The following SPON2 variants were observed in gnomAD, a reference collection of about 807,000 sequenced individuals.
SPON2 encodes the protein spondin 2.
In SPON2, 32 loss-of-function variants were observed where a neutral mutation model predicts 29.9. That is an observed-to-expected ratio of 1.07 (90% confidence interval 0.81 to 1.44). The LOEUF (loss-of-function observed/expected upper bound fraction) is 1.44. Among genes scored for constraint, SPON2 ranks in the 40% most tolerant of loss-of-function variants. The pLI, the probability that SPON2 is intolerant of heterozygous loss-of-function variation, is 0.00. For synonymous variants in SPON2, 248 were observed against 209.1 expected, an observed-to-expected ratio of 1.19 and a Z score of -1.61; for missense variants, 541 against 455.5, an observed-to-expected ratio of 1.19 and a Z score of -1.71.
At chr4:1,183,517 G>GT (rs1294362975) in intron 1 of SPON2, among the ~76,000 whole-genome samples, 1 of 152,144 alleles carries the variant, frequency 6.6e-6, no homozygotes, top group African/African-American at 2.4e-5. Context: ...AAGAGAATGT[G>GT]TTTTTTAAAA....
intron 1 of SPON2, among the ~76,000 whole-genome samples, chr4:1,184,668 C>T (rs1479849711): frequency 1.3e-5 from 2 of 152,160 alleles, no homozygotes; most frequent in African/African-American, 4.8e-5. Context: ...GGCACGGTGG[C>T]TCATGCCTGT....
intron 1 of SPON2, chr4:1,200,516 G>A (rs1002105037): frequency 1.6e-5 from 5 of 304,418 alleles, no homozygotes; most frequent in Admixed American, 9.2e-5. Context: ...CAGCCTCTGC[G>A]CTTCTGCCTC....
In SPON2 at chr4:1,167,437, C is replaced by T. The variant is rs202120898; in HGVS notation, c.*35G>A. On this transcript the variant is annotated 3_prime_UTR_variant, in exon 6 of 6. Transcript: ENST00000290902. ...CACAGGAGCCCCCGACACCCCATGG[C>T]TCCGGGGGGCCCCAGGGGCTGCGGG... The T allele has an allele frequency of 1.8e-5, 28 of 1,592,638 alleles. No homozygotes were observed. Among genetic ancestry groups the T allele is most frequent in the Non-Finnish European group, 2.4e-5 (28 of 1,167,740 alleles).
intron 4 of SPON2, 41 bp from the exon 5 acceptor site, chr4:1,170,617 G>C (rs778040310): frequency 1.3e-6 from 2 of 1,576,064 alleles, no homozygotes; most frequent in Non-Finnish European, 1.7e-6. Flanking sequence ...GGTCCGAGAA[G>C]CCCACCTTCT....
chr4:1,178,075 C>T (rs12505896), upstream of SPON2, among the ~76,000 whole-genome samples: 66,940 of 133,572 alleles, frequency 0.5, 16,383 homozygotes, highest in Admixed American at 0.63. Context: ...GGCCTCCCTC[C>T]GGCCAGACAC....
At chr4:1,189,954 C>T (rs1219194922) in intron 1 of SPON2, among the ~76,000 whole-genome samples, 1 of 146,178 alleles carries the variant, frequency 6.8e-6, no homozygotes, top group Non-Finnish European at 1.5e-5. Context: ...CATGCCACTG[C>T]ACTCCAGCCT....
rs547993263 is a variant in SPON2, at chr4:1,201,749, A to T, written c.-234+6131T>A. Among the ~76,000 whole-genome samples, 8 of 151,926 alleles carry T rather than the reference A, an allele frequency of 5.3e-5. No homozygotes were observed. In the East Asian group the frequency reaches 1.4e-3, roughly 26 times the overall value. Reference sequence around the variant, plus strand: ...AGGCGCCGGTTGCCACGCCCGGCTAATTTTTTTGTATTTTTAGTAGAGACG... The same window carrying T: ...AGGCGCCGGTTGCCACGCCCGGCTATTTTTTTTGTATTTTTAGTAGAGACG... On this transcript the variant is annotated intron_variant, in intron 1 of 3. Coordinates refer to the SPON2 transcript ENST00000509233.
upstream of SPON2, among the ~76,000 whole-genome samples, chr4:1,173,546 T>G (rs1336444434): frequency 1.3e-5 from 2 of 152,166 alleles, no homozygotes; most frequent in Non-Finnish European, 2.9e-5. Flanking sequence ...AGGAAAATAT[T>G]TATAGGTCCC....
chr4:1,171,816 T>C (rs1221249881), intron 2 of SPON2, 36 bp downstream of exon 2: 1 of 1,510,846 alleles, frequency 6.6e-7, no homozygotes, highest in African/African-American at 1.4e-5. Flanking sequence ...GCAGCCCTCC[T>C]GGTGGAGCAG....
chr4:1,188,552 C>A (rs1727847478), intron 1 of SPON2, among the ~76,000 whole-genome samples: 1 of 152,144 alleles, frequency 6.6e-6, no homozygotes. Context: ...AGAAAACAGA[C>A]CTTCGGACAA....
upstream of SPON2, among the ~76,000 whole-genome samples, chr4:1,174,970 C>T (rs1339796416): frequency 6.6e-6 from 1 of 152,222 alleles, no homozygotes; most frequent in Non-Finnish European, 1.5e-5. Flanking sequence ...AAGGTGCCCT[C>T]ATGCAATGGG....
intron 1 of SPON2, among the ~76,000 whole-genome samples, chr4:1,191,177 T>C (rs1450101639): frequency 6.6e-6 from 1 of 151,978 alleles, no homozygotes; most frequent in Non-Finnish European, 1.5e-5. Context: ...ATAAAAGAAC[T>C]AAATTGGAAG....
intron 5 of SPON2, 124 bp downstream of exon 5, chr4:1,170,278 T>C: frequency 3.4e-6 from 3 of 870,760 alleles, no homozygotes; most frequent in African/African-American, 1.7e-5. Context: ...CTAGGCACCA[T>C]CTTGCAGTAC....
At chr4:1,172,179 G>C (rs1173362982) in intron 1 of SPON2, 105 bp from the exon 2 acceptor site, 2 of 956,012 alleles carry the variant, frequency 2.1e-6, no homozygotes, top group African/African-American at 1.6e-5. Context: ...ACGGCCCCGA[G>C]CACCCGCGAC....
intron 1 of SPON2, among the ~76,000 whole-genome samples, chr4:1,194,546 GCTT>G (rs1727996878): frequency 6.6e-6 from 1 of 152,188 alleles, no homozygotes. Flanking sequence ...GCACAGCTTA[GCTT>G]CTTCCTGGCC....
intron 1 of SPON2, among the ~76,000 whole-genome samples, chr4:1,180,130 C>T (rs2153078311): frequency 6.6e-6 from 1 of 152,176 alleles, no homozygotes; most frequent in Admixed American, 6.5e-5. Context: ...TCTGACTGAC[C>T]TTCAGGCTCT....
intron 1 of SPON2, among the ~76,000 whole-genome samples, chr4:1,182,596 TG>T (rs1459693295): frequency 3.9e-5 from 6 of 152,108 alleles, no homozygotes; most frequent in African/African-American, 1.4e-4. Context: ...AAGAAACCTG[TG>T]GGACACCATA....
chr4:1,193,795 G>C (rs1727969768), intron 1 of SPON2, among the ~76,000 whole-genome samples: 1 of 61,400 alleles, frequency 1.6e-5, no homozygotes, highest in African/African-American at 7.5e-5. Flanking sequence ...GGACGTGGGG[G>C]GGTGGCGTGG....
intron 1 of SPON2, chr4:1,204,988 C>T (rs1728304036): frequency 6.6e-6 from 1 of 152,308 alleles, no homozygotes; most frequent in Admixed American, 6.5e-5. Flanking sequence ...TCACCTCTGC[C>T]TTCTAATCAG....
Sources: gnomAD v4.1 joint callset for allele counts (sites outside exome capture counted in the v4.1 genomes callset) on GRCh38, gnomAD v4.1.1 for gene constraint, MANE v1.5 for transcripts, NCBI Gene and HGNC (gene_info 2026-07-23, HGNC 2026-07-21) for gene names.